Variants in MAP4K3 observed in about 807,000 individuals in gnomAD.
MAP4K3 encodes the protein mitogen-activated protein kinase kinase kinase kinase 3.
In MAP4K3, 94 loss-of-function variants were observed where a neutral mutation model predicts 143.5. The ratio of observed to expected loss-of-function variants is 0.65; its 90% CI spans 0.55 to 0.78. The LOEUF (loss-of-function observed/expected upper bound fraction) is 0.78. Ranked by LOEUF, MAP4K3 falls within the 30% of genes least tolerant of loss-of-function variation. The pLI is 0.00. For missense variants in MAP4K3, 1,077 were observed against 1,068.1 expected, an observed-to-expected ratio of 1.01 and a Z score of -0.12; for synonymous variants, 416 against 347.2, an observed-to-expected ratio of 1.20 and a Z score of -2.20.
intron 32 of MAP4K3, 72 bp from the exon 33 acceptor site, chr2:39,251,957 A>C (rs1680169719): frequency 1.0e-6 from 1 of 953,532 alleles, no homozygotes; most frequent in African/African-American, 1.6e-5. Context: ...CTTCATTATA[A>C]TTCAACAGAA....
Position 39,260,721 on chromosome 2 carries a change from A to G in MAP4K3, c.2193T>C (p.Pro731=). The G allele has an allele frequency of 6.2e-7, 1 of 1,613,662 alleles. No homozygotes were observed. Among genetic ancestry groups the G allele is most frequent in the Non-Finnish European group, 8.5e-7 (1 of 1,179,554 alleles). The change falls in exon 29 of 34, where the codon CCT becomes CCC. Residue 731 remains proline (P), a synonymous_variant. Transcript: ENST00000263881. The part of the protein sequence containing the change: ...PLRMFEMLVV[P]EQEYPLVCVG... ...CACAAACTAAAGGGTACTCCTGTTC[A>G]GGAACTACCAGCATTTCAAACATTC...
chr2:39,396,453 A>T (rs1449435639), intron 1 of MAP4K3, among the ~76,000 whole-genome samples: 1 of 151,876 alleles, frequency 6.6e-6, no homozygotes, highest in African/African-American at 2.4e-5. Flanking sequence ...TACTCAAGAC[A>T]ATGTGCTTTA....
At chr2:39,301,972 C>T (rs539112520) in intron 15 of MAP4K3, among the ~76,000 whole-genome samples, 2 of 151,666 alleles carry the variant, frequency 1.3e-5, no homozygotes, top group South Asian at 4.2e-4. Context: ...TGCAGTGAGC[C>T]AACATTGCGC....
intron 26 of MAP4K3, among the ~76,000 whole-genome samples, chr2:39,268,886 G>A (rs1269041229): frequency 4.0e-5 from 6 of 151,770 alleles, no homozygotes; most frequent in South Asian, 2.1e-4. Flanking sequence ...TTGATCCACC[G>A]TGCCTGACTT....
chr2:39,424,762 T>C (rs898459715), intron 1 of MAP4K3, among the ~76,000 whole-genome samples: 13 of 146,972 alleles, frequency 8.8e-5, no homozygotes, highest in African/African-American at 3.3e-4. Context: ...GCCCAGGAGG[T>C]TGAGGCTGCA....
At chr2:39,286,828 G>A in intron 21 of MAP4K3, 24 bp downstream of exon 21, 7 of 1,467,440 alleles carry the variant, frequency 4.8e-6, no homozygotes, top group Non-Finnish European at 6.5e-6. Context: ...AATACAAGTA[G>A]AACTTATGAC....
chr2:39,389,753 A>C (rs1011005075), intron 1 of MAP4K3, among the ~76,000 whole-genome samples: 1 of 152,214 alleles, frequency 6.6e-6, no homozygotes, highest in African/African-American at 2.4e-5. Context: ...AAAGATGTGC[A>C]ATAACATATT....
At chr2:39,326,081 T>A (rs1683480652) in intron 9 of MAP4K3, 65 bp downstream of exon 9, 16 of 1,571,370 alleles carry the variant, frequency 1.0e-5, no homozygotes, top group Non-Finnish European at 1.1e-5. Context: ...AATTACTTGT[T>A]CATGACAGCA....
rs202169875 is a variant in MAP4K3 at position 39,285,596 on chromosome 2, GAAT to G, written c.1587+1253_1587+1255del. Among the ~76,000 whole-genome samples, 635 of 152,182 alleles carry G rather than the reference GAAT, an allele frequency of 4.2e-3. 4 individuals carry two copies. The highest frequency in any genetic ancestry group is 0.014 in the Middle Eastern group (4 of 292). ...ACCAAATACTTTATGTGAATTTTAAGAATAATATGTCATATTGTATAGTGAAAT... is the reference window on the plus strand; with the variant it reads ...ACCAAATACTTTATGTGAATTTTAAGAATATGTCATATTGTATAGTGAAAT... On this transcript the variant is annotated intron_variant, in intron 21 of 33. Transcript: ENST00000263881.
intron 1 of MAP4K3, among the ~76,000 whole-genome samples, chr2:39,403,520 A>G (rs749190783): frequency 1.3e-4 from 20 of 152,094 alleles, no homozygotes; most frequent in African/African-American, 4.6e-4. Flanking sequence ...CTGACACCCG[A>G]CCATGGAGGG....
intron 1 of MAP4K3, among the ~76,000 whole-genome samples, chr2:39,417,701 G>GT (rs1377768442): frequency 6.6e-6 from 1 of 152,128 alleles, no homozygotes; most frequent in Admixed American, 6.6e-5. Context: ...ATATATACAC[G>GT]TATTTCCTAG....
chr2:39,280,030 C>T (rs1172006846), intron 23 of MAP4K3, among the ~76,000 whole-genome samples: 1 of 151,978 alleles, frequency 6.6e-6, no homozygotes, highest in Non-Finnish European at 1.5e-5. Flanking sequence ...ACTAGGGTGG[C>T]TCAGAATACA....
chr2:39,325,607 A>G lies in MAP4K3; in HGVS notation c.829T>C (p.Leu277=). 3 of 1,613,170 alleles carry G rather than the reference A, an allele frequency of 1.9e-6. No individual in the cohort carries two copies. Among genetic ancestry groups the G allele is most frequent in the Non-Finnish European group, 2.5e-6 (3 of 1,179,502 alleles). Reference sequence around the variant, plus strand: ...AGCTCGATTGCCAAAGACCGTGTCAAATGTTGTGTTACAAAAGGATGCTAT... The same window carrying G: ...AGCTCGATTGCCAAAGACCGTGTCAGATGTTGTGTTACAAAAGGATGCTAT... ...LLQHPFVTQH[L]TRSLAIELLD... Residue 277 remains leucine, a synonymous_variant, in exon 12 of 34, where the codon TTG becomes CTG. Coordinates refer to ENST00000263881, the MANE Select transcript of MAP4K3 (RefSeq NM_003618.4).
chr2:39,367,262 C>T (rs1366748619), intron 2 of MAP4K3, among the ~76,000 whole-genome samples: 1 of 152,120 alleles, frequency 6.6e-6, no homozygotes, highest in Non-Finnish European at 1.5e-5. Context: ...AAAAAAGAAG[C>T]CAGGCACAGT....
chr2:39,321,489 G>A (rs547899453), intron 12 of MAP4K3, among the ~76,000 whole-genome samples: 2 of 152,298 alleles, frequency 1.3e-5, no homozygotes, highest in African/African-American at 4.8e-5. Context: ...AGGAAAGCCA[G>A]GTATTGTCCA....
At position 39,302,886 on chromosome 2, in the gene MAP4K3, C is replaced by A. The variant is rs1002396752; in HGVS notation, c.1120-3085G>T. ...TTGGGTTGCAAAGTCCTAATTTCAG[C>A]AGTTCATTTTAGCGAATGGGAGACT... On this transcript the variant is annotated intron_variant, in intron 15 of 33. Transcript: ENST00000263881. 5.3e-5 allele frequency among the ~76,000 whole-genome samples: 8 copies of A among 152,264 alleles called. No individual in the cohort carries two copies. In the East Asian group the frequency reaches 1.5e-3, roughly 29 times the overall value.
intron 1 of MAP4K3, 69 bp from the exon 2 acceptor site, chr2:39,378,192 T>C: frequency 2.5e-6 from 2 of 784,724 alleles, no homozygotes; most frequent in South Asian, 3.4e-5. Flanking sequence ...AATTTCACTT[T>C]AGCTTACTGT....
intron 1 of MAP4K3, among the ~76,000 whole-genome samples, chr2:39,394,025 T>C (rs530434043): frequency 1.3e-5 from 2 of 152,328 alleles, no homozygotes; most frequent in African/African-American, 4.8e-5. Context: ...TAAATTAATT[T>C]ATAACTAAGC....
chr2:39,383,677 C>G (rs1666412247), intron 1 of MAP4K3, among the ~76,000 whole-genome samples: 1 of 151,942 alleles, frequency 6.6e-6, no homozygotes, highest in Non-Finnish European at 1.5e-5. Context: ...AACAACTGAA[C>G]ATTTATTAAA....
Sources: allele counts gnomAD v4.1 joint callset (sites outside exome capture counted in the v4.1 genomes callset), GRCh38; gene constraint gnomAD v4.1.1; transcripts MANE v1.5; gene names NCBI Gene and HGNC (gene_info 2026-07-23, HGNC 2026-07-21).